GABRA3: variants seen among roughly 807,000 people sequenced by gnomAD.
GABRA3 encodes the protein gamma-aminobutyric acid receptor subunit alpha-3.
Under a neutral mutation model 30.1 loss-of-function variants are expected in GABRA3, and 10 were observed. The observed-to-expected ratio is 0.33, with a 90% confidence interval of 0.20 to 0.56. GABRA3 has a LOEUF of 0.56. Ranked by LOEUF, GABRA3 falls within the 20% of genes least tolerant of loss-of-function variation. The probability of loss-of-function intolerance (pLI) is 0.89; values close to 1 mark genes in which losing one functional copy is unlikely to be tolerated. For synonymous variants in GABRA3, 151 were observed against 146.8 expected, an observed-to-expected ratio of 1.03 and a Z score of -0.21; for missense variants, 233 against 392.0, an observed-to-expected ratio of 0.59 and a Z score of 3.42.
chrX:152,326,265 G>A (rs1374776420), intron 3 of GABRA3, among the ~76,000 whole-genome samples: 2 of 111,860 alleles, frequency 1.8e-5, no homozygotes, highest in African/African-American at 6.5e-5. Flanking sequence ...ATGGAACCAA[G>A]TTGGAAAACA....
At chrX:152,240,633 A>T (rs1938340722) in intron 5 of GABRA3, among the ~76,000 whole-genome samples, 1 of 97,962 alleles carries the variant, frequency 1.0e-5, no homozygotes. Context: ...CAGGTACATC[A>T]ATCAGACGTA....
intron 6 of GABRA3, among the ~76,000 whole-genome samples, chrX:152,220,426 G>A (rs775028440): frequency 2.7e-5 from 3 of 111,543 alleles, no homozygotes; most frequent in South Asian, 7.4e-4. Context: ...ATTTCATTGC[G>A]TGACTATGCT....
At chrX:152,424,220 G>A (rs1403026632) in intron 1 of GABRA3, among the ~76,000 whole-genome samples, 1 of 110,575 alleles carries the variant, frequency 9.0e-6, no homozygotes, top group African/African-American at 3.3e-5. Flanking sequence ...ATCAGAAACC[G>A]ACAAGTCATC....
chrX:152,444,717 A>AT (rs1931017458), intron 1 of GABRA3, among the ~76,000 whole-genome samples: 1 of 84,524 alleles, frequency 1.2e-5, no homozygotes, highest in African/African-American at 4.2e-5. Context: ...CTTAAAAACT[A>AT]TATATAATAC....
intron 9 of GABRA3, among the ~76,000 whole-genome samples, chrX:152,176,730 C>T (rs1184156716): frequency 9.0e-6 from 1 of 111,225 alleles, no homozygotes; most frequent in Non-Finnish European, 1.9e-5. Flanking sequence ...TAGAGATGTA[C>T]ACAGTTACAT....
chrX:152,235,776 A>G (rs1938190607), intron 5 of GABRA3, among the ~76,000 whole-genome samples: 1 of 110,955 alleles, frequency 9.0e-6, no homozygotes, highest in African/African-American at 3.3e-5. Flanking sequence ...TAAAATATTG[A>G]CACTACCCAA....
At chrX:152,297,397 A>T (rs779154086) in intron 3 of GABRA3, among the ~76,000 whole-genome samples, 1 of 112,072 alleles carries the variant, frequency 8.9e-6, no homozygotes, top group South Asian at 3.7e-4. Context: ...CCTCAGTTTG[A>T]CATTTAATAC....
intron 1 of GABRA3, among the ~76,000 whole-genome samples, chrX:152,450,168 G>C (rs751037755): frequency 5.5e-5 from 6 of 110,082 alleles, no homozygotes; most frequent in Non-Finnish European, 7.6e-5. Context: ...CTCTCAATAA[G>C]CCAAACTACT....
chrX:152,298,051 C>A (rs1464979695), intron 3 of GABRA3, among the ~76,000 whole-genome samples: 1 of 112,188 alleles, frequency 8.9e-6, no homozygotes, highest in African/African-American at 3.2e-5. Context: ...ATAATAAAAT[C>A]TTCAAAACAG....
chrX:152,305,240 A>G (rs937567328), intron 3 of GABRA3, among the ~76,000 whole-genome samples: 4 of 110,495 alleles, frequency 3.6e-5, no homozygotes, highest in African/African-American at 9.9e-5. Flanking sequence ...ACAAAGATGG[A>G]AACAATAGAT....
At chrX:152,198,688 CCTTTT>C (rs1375482332) in intron 7 of GABRA3, among the ~76,000 whole-genome samples, 1 of 111,852 alleles carries the variant, frequency 8.9e-6, no homozygotes, top group African/African-American at 3.3e-5. Context: ...CTTTCCTGTT[CCTTTT>C]AATTTCTAAA....
intron 8 of GABRA3, among the ~76,000 whole-genome samples, chrX:152,193,085 C>T (rs760513014): frequency 3.6e-5 from 4 of 111,452 alleles, no homozygotes; most frequent in Non-Finnish European, 7.5e-5. Context: ...GTTGTTGTAA[C>T]CTGAGCTCTT....
chrX:152,440,950 C>T (rs984133608), intron 1 of GABRA3, among the ~76,000 whole-genome samples: 1 of 107,336 alleles, frequency 9.3e-6, no homozygotes. Context: ...CACCATGGCA[C>T]ATGTATATCT....
intron 1 of GABRA3, among the ~76,000 whole-genome samples, chrX:152,439,613 T>C (rs1184194121): frequency 9.0e-6 from 1 of 111,648 alleles, no homozygotes; most frequent in African/African-American, 3.3e-5. Flanking sequence ...GGTATTTACC[T>C]AGCATAAATA....
chrX:152,423,339 G>A (rs1230144909), intron 1 of GABRA3, among the ~76,000 whole-genome samples: 3 of 111,417 alleles, frequency 2.7e-5, no homozygotes, highest in Non-Finnish European at 3.8e-5. Flanking sequence ...TTTAAAGTTT[G>A]GTACTGAGGT....
In GABRA3 at chrX:152,333,136, C is replaced by T. The variant is rs1384500157; in HGVS notation, c.262+12445G>A. 2.2e-4 allele frequency among the ~76,000 whole-genome samples: 25 copies of T among 111,327 alleles called. No homozygotes were observed. In the Admixed American group the frequency reaches 2.4e-3, roughly 11 times the overall value. On this transcript the variant is annotated intron_variant, in intron 3 of 9. Coordinates refer to ENST00000370314, the MANE Select transcript of GABRA3 (RefSeq NM_000808.4). ...CTGGGTGTGATCCTGGTAGAAAGCA[C>T]CAAAGCTTTTAGTGGATACATGAGA...
At chrX:152,264,116 T>C (rs1189429470) in intron 4 of GABRA3, among the ~76,000 whole-genome samples, 1 of 111,535 alleles carries the variant, frequency 9.0e-6, no homozygotes, top group Non-Finnish European at 1.9e-5. Context: ...AGAACATTAA[T>C]GAGTAATAAG....
chrX:152,316,551 T>C (rs890447911), intron 3 of GABRA3, among the ~76,000 whole-genome samples: 19 of 111,661 alleles, frequency 1.7e-4, no homozygotes, highest in Non-Finnish European at 2.6e-4. Flanking sequence ...CCTAGGCACA[T>C]AGTCATCAGG....
At chrX:152,414,810 T>A (rs1930164702) in intron 1 of GABRA3, among the ~76,000 whole-genome samples, 1 of 102,412 alleles carries the variant, frequency 9.8e-6, no homozygotes, top group Non-Finnish European at 2.0e-5. Flanking sequence ...ATACAAACAA[T>A]GCAATATTAT....
Sources: gnomAD v4.1 joint callset for allele counts (sites outside exome capture counted in the v4.1 genomes callset) on GRCh38, gnomAD v4.1.1 for gene constraint, MANE v1.5 for transcripts, NCBI Gene and HGNC (gene_info 2026-07-23, HGNC 2026-07-21) for gene names.